Variants in CPNE4 observed in about 807,000 individuals in gnomAD.
CPNE4 encodes the protein copine 4.
In CPNE4, 25 loss-of-function variants were observed where a neutral mutation model predicts 67.9. The observed-to-expected ratio is 0.37, with a 90% CI of 0.27 to 0.51. The LOEUF (loss-of-function observed/expected upper bound fraction) is 0.51. CPNE4 is among the 20% of genes least tolerant of loss of function. The pLI is 0.93. For missense variants in CPNE4, 464 were observed against 690.8 expected, an observed-to-expected ratio of 0.67 and a Z score of 3.68; for synonymous variants, 242 against 244.9, an observed-to-expected ratio of 0.99 and a Z score of 0.11.
chr3:131,546,357 A>T (rs745705729), intron 14 of CPNE4, among the ~76,000 whole-genome samples: 4 of 152,178 alleles, frequency 2.6e-5, no homozygotes, highest in African/African-American at 4.8e-5. Flanking sequence ...TAGTCTTTGA[A>T]TATACTTGAG....
intron 2 of CPNE4, among the ~76,000 whole-genome samples, chr3:131,891,385 G>A (rs4533698): frequency 0.29 from 43,744 of 151,666 alleles, 7,371 homozygotes; most frequent in Non-Finnish European, 0.37. Flanking sequence ...TGGTTGCACA[G>A]GTGTATACAT....
intron 7 of CPNE4, among the ~76,000 whole-genome samples, chr3:131,602,515 C>A (rs141301650): frequency 3.4e-3 from 514 of 152,222 alleles, no homozygotes; most frequent in African/African-American, 0.012. Context: ...AGGGGACATT[C>A]CACAAGAAAT....
intron 5 of CPNE4, among the ~76,000 whole-genome samples, chr3:131,695,555 T>C (rs1470659459): frequency 6.6e-6 from 1 of 152,222 alleles, no homozygotes; most frequent in African/African-American, 2.4e-5. Flanking sequence ...CCCAGTGGCT[T>C]ATAATAGCAC....
At chr3:131,607,992 A>G (rs1021931504) in intron 7 of CPNE4, among the ~76,000 whole-genome samples, 1 of 152,138 alleles carries the variant, frequency 6.6e-6, no homozygotes, top group Non-Finnish European at 1.5e-5. Flanking sequence ...CATCTACTAC[A>G]TTGTCAATAA....
chr3:131,795,010 G>A (rs558777121), intron 2 of CPNE4, among the ~76,000 whole-genome samples: 15 of 152,298 alleles, frequency 9.8e-5, no homozygotes, highest in South Asian at 6.2e-4. Flanking sequence ...CTTAGCCATG[G>A]CAGTACTACT....
At position 131,591,897 on chromosome 3, in the gene CPNE4, G is replaced by GA. The variant is rs529194681; in HGVS notation, c.682-4316dup. Among the ~76,000 whole-genome samples the GA allele has an allele frequency of 2.7e-3, 413 of 152,280 alleles. 4 individuals carry two copies. Among genetic ancestry groups the GA allele is most frequent in the African/African-American group, 8.8e-3 (364 of 41,552 alleles). On this transcript the variant is annotated intron_variant, in intron 7 of 15. Transcript: ENST00000429747. ...GAGACAGAGGCAGAGTCCTTGGTGTGAATCAATAAGAAGGCCTTGACACAT... is the reference window on the plus strand; with the variant it reads ...GAGACAGAGGCAGAGTCCTTGGTGTGAAATCAATAAGAAGGCCTTGACACAT...
intron 1 of CPNE4, among the ~76,000 whole-genome samples, chr3:131,916,552 G>A (rs939479560): frequency 6.6e-6 from 1 of 152,096 alleles, no homozygotes; most frequent in Non-Finnish European, 1.5e-5. Context: ...AGTTGGCAGA[G>A]GACAACATGG....
At chr3:131,593,296 A>T (rs1435542460) in intron 7 of CPNE4, among the ~76,000 whole-genome samples, 1 of 152,302 alleles carries the variant, frequency 6.6e-6, no homozygotes, top group East Asian at 1.9e-4. Context: ...CATGAACATG[A>T]AAGGTCTTTC....
Position 131,564,455 on chromosome 3 carries a change from C to T in CPNE4, c.928-106G>A, listed in dbSNP as rs901786202. On this transcript the variant is annotated intron_variant, in intron 10 of 15. Coordinates refer to ENST00000429747, the MANE Select transcript of CPNE4 (RefSeq NM_130808.3). ...TGGCCTCGGGTCAAAAACAGTAGCA[C>T]ATTACATACCCTGCCAATAAAGAAA... The T allele has an allele frequency of 7.4e-6, 7 of 948,730 alleles. No individual in the cohort carries two copies. The African/African-American group carries it at 8.4e-5, about 11-fold the overall frequency. 58.8% of individuals were successfully genotyped at this position (948,730 alleles called of 1,614,324 possible). A position where few individuals can be genotyped will look rare whatever the true frequency, so the allele number is the denominator to read the frequency against.
intron 2 of CPNE4, among the ~76,000 whole-genome samples, chr3:131,852,719 A>G (rs2107647683): frequency 6.6e-6 from 1 of 152,054 alleles, no homozygotes; most frequent in South Asian, 2.1e-4. Context: ...ACTTACATGC[A>G]ATATTATTTT....
At chr3:131,983,282 A>G (rs1002482089) in intron 1 of CPNE4, among the ~76,000 whole-genome samples, 4 of 152,150 alleles carry the variant, frequency 2.6e-5, no homozygotes, top group Non-Finnish European at 2.9e-5. Context: ...AAATGTATAT[A>G]GTTTTACACT....
chr3:132,015,101 A>G (rs16838297), intron 1 of CPNE4, among the ~76,000 whole-genome samples: 28,919 of 152,096 alleles, frequency 0.19, 2,796 homozygotes, highest in African/African-American at 0.2. Context: ...GATTCTCTGC[A>G]TCTAATTATT....
intron 6 of CPNE4, among the ~76,000 whole-genome samples, chr3:131,680,935 G>A (rs1288354609): frequency 1.3e-5 from 2 of 152,100 alleles, no homozygotes; most frequent in Non-Finnish European, 2.9e-5. Flanking sequence ...TTCCATTCCT[G>A]AGTTACTTCA....
intron 7 of CPNE4, among the ~76,000 whole-genome samples, chr3:131,599,127 T>G (rs373755710): frequency 3.3e-5 from 5 of 152,232 alleles, no homozygotes; most frequent in Admixed American, 2.6e-4. Context: ...TTATGAGAAT[T>G]TGATCCATAA....
chr3:131,574,647 C>T (rs1027075389), intron 10 of CPNE4, among the ~76,000 whole-genome samples: 2 of 152,102 alleles, frequency 1.3e-5, no homozygotes, highest in Admixed American at 6.6e-5. Flanking sequence ...CTGGGTATGA[C>T]ATTGGTGCTG....
chr3:131,913,501 T>A (rs1472698058), intron 1 of CPNE4, among the ~76,000 whole-genome samples: 1 of 152,160 alleles, frequency 6.6e-6, no homozygotes, highest in Non-Finnish European at 1.5e-5. Context: ...GAGGGAAGAA[T>A]CAGGGAAGAA....
intron 2 of CPNE4, among the ~76,000 whole-genome samples, chr3:131,776,259 C>T (rs185438931): frequency 1.0e-5 from 1 of 99,308 alleles, no homozygotes; most frequent in Non-Finnish European, 2.7e-5. Flanking sequence ...GATGTCAATA[C>T]CTCCTTCAGT....
intron 6 of CPNE4, among the ~76,000 whole-genome samples, chr3:131,678,333 G>A (rs1204047014): frequency 2.6e-5 from 4 of 152,144 alleles, no homozygotes; most frequent in African/African-American, 4.8e-5. Flanking sequence ...AGAAGCTTTC[G>A]GGCTGAGACG....
At chr3:131,641,468 C>G (rs1305552779) in intron 7 of CPNE4, among the ~76,000 whole-genome samples, 1 of 151,992 alleles carries the variant, frequency 6.6e-6, no homozygotes, top group Admixed American at 6.5e-5. Flanking sequence ...AATGCAATAC[C>G]GCCTCACATC....
Sources: allele counts gnomAD v4.1 joint callset (sites outside exome capture counted in the v4.1 genomes callset), GRCh38; gene constraint gnomAD v4.1.1; transcripts MANE v1.5; gene names NCBI Gene and HGNC (gene_info 2026-07-23, HGNC 2026-07-21).